Variants in PYDC5 observed in about 807,000 individuals in gnomAD.
PYDC5 encodes the protein pyrin domain containing 5, also known as pyrin domain-containing protein 5.
the PYDC5 span, among the ~76,000 whole-genome samples, chr1:159,001,961 C>A: frequency 2.6e-5 from 4 of 152,120 alleles, no homozygotes; most frequent in Admixed American, 1.3e-4. Flanking sequence ...TAATAGCTGA[C>A]ACTGGGTAGC....
chr1:159,000,123 G>C, the PYDC5 span: 389 of 169,978 alleles, frequency 2.3e-3, no homozygotes, highest in Non-Finnish European at 2.6e-3. Flanking sequence ...TGAAAAATAC[G>C]GTCTTCCTCA....
the PYDC5 span, among the ~76,000 whole-genome samples, chr1:159,000,901 G>A: frequency 6.6e-6 from 1 of 152,116 alleles, no homozygotes; most frequent in South Asian, 2.1e-4. Context: ...ATTATTTAAA[G>A]TGTGTAGCAC....
At chr1:159,001,406 A>G in the PYDC5 span, among the ~76,000 whole-genome samples, 2 of 152,226 alleles carry the variant, frequency 1.3e-5, no homozygotes, top group African/African-American at 2.4e-5. Flanking sequence ...ATTCTGAGTT[A>G]TTACTTTTAA....
chr1:159,001,001 A>AG, the PYDC5 span, among the ~76,000 whole-genome samples: 6 of 152,340 alleles, frequency 3.9e-5, no homozygotes, highest in Admixed American at 3.9e-4. Context: ...TAAGCACAAA[A>AG]GGTGCAAGTC....
the PYDC5 span, among the ~76,000 whole-genome samples, chr1:159,001,331 T>C: frequency 1.7e-4 from 26 of 152,236 alleles, no homozygotes; most frequent in Non-Finnish European, 7.3e-5. Flanking sequence ...AGGATGTTTA[T>C]GAGCTGAAGA....
the PYDC5 span, among the ~76,000 whole-genome samples, chr1:159,002,499 T>C: frequency 6.6e-6 from 1 of 152,224 alleles, no homozygotes; most frequent in Non-Finnish European, 1.5e-5. Context: ...CTTGTTTTTT[T>C]CTAAGCTCAT....
chr1:159,002,725 C>T, the PYDC5 span, among the ~76,000 whole-genome samples: 1 of 152,168 alleles, frequency 6.6e-6, no homozygotes, highest in Non-Finnish European at 1.5e-5. Flanking sequence ...CTGTTTATTG[C>T]TGTACTCCTA....
chr1:159,002,746 T>C, the PYDC5 span, among the ~76,000 whole-genome samples: 25 of 152,246 alleles, frequency 1.6e-4, no homozygotes, highest in African/African-American at 6.0e-4. Context: ...CCACCTAGAG[T>C]AGTAGGTCCT....
At chr1:159,001,618 T>C in the PYDC5 span, among the ~76,000 whole-genome samples, 4 of 152,102 alleles carry the variant, frequency 2.6e-5, no homozygotes, top group Non-Finnish European at 4.4e-5. Context: ...AGAAGGAAAT[T>C]TGCATTTCCT....
At chr1:159,001,788 A>G in the PYDC5 span, among the ~76,000 whole-genome samples, 3 of 152,196 alleles carry the variant, frequency 2.0e-5, no homozygotes, top group Non-Finnish European at 4.4e-5. Context: ...TAAATATAAA[A>G]TTTACATTTT....
At chr1:159,002,541 G>C in the PYDC5 span, among the ~76,000 whole-genome samples, 1 of 150,408 alleles carries the variant, frequency 6.6e-6, no homozygotes, top group East Asian at 2.1e-4. Context: ...AAAATAGCAC[G>C]ATACCGTTAC....
chr1:159,001,705 AC>A, the PYDC5 span, among the ~76,000 whole-genome samples: 1 of 152,150 alleles, frequency 6.6e-6, no homozygotes, highest in African/African-American at 2.4e-5. Context: ...CCCTCCTACA[AC>A]CCTATTACGT....
At chr1:159,001,109 A>T in the PYDC5 span, among the ~76,000 whole-genome samples, 1 of 152,232 alleles carries the variant, frequency 6.6e-6, no homozygotes. Context: ...CTGAAAGAAA[A>T]CATAGGCAAT....
chr1:159,002,277 T>TA, the PYDC5 span, among the ~76,000 whole-genome samples: 1 of 151,948 alleles, frequency 6.6e-6, no homozygotes, highest in Non-Finnish European at 1.5e-5. Context: ...AGCCTGCTTA[T>TA]CATACAGAGA....
At chr1:159,002,211 A>G in the PYDC5 span, among the ~76,000 whole-genome samples, 2 of 152,160 alleles carry the variant, frequency 1.3e-5, no homozygotes, top group Non-Finnish European at 2.9e-5. Context: ...AAGACAGTAC[A>G]TATTACTGAA....
chr1:159,002,227 GTCT>G, the PYDC5 span, among the ~76,000 whole-genome samples: 1 of 151,970 alleles, frequency 6.6e-6, no homozygotes, highest in Non-Finnish European at 1.5e-5. Flanking sequence ...CTGAATTCAA[GTCT>G]TCTGAATCCA....
At chr1:159,000,817 G>C in the PYDC5 span, among the ~76,000 whole-genome samples, 1 of 152,148 alleles carries the variant, frequency 6.6e-6, no homozygotes. Flanking sequence ...GCTCATGGGG[G>C]TGGATCCCTC....
the PYDC5 span, among the ~76,000 whole-genome samples, chr1:159,000,647 ATT>A: frequency 6.6e-6 from 1 of 152,190 alleles, no homozygotes; most frequent in Non-Finnish European, 1.5e-5. Flanking sequence ...TGCAATTTAA[ATT>A]TTTTGACATG....
chr1:159,001,149 C>A, the PYDC5 span, among the ~76,000 whole-genome samples: 1 of 152,130 alleles, frequency 6.6e-6, no homozygotes, highest in African/African-American at 2.4e-5. Flanking sequence ...TGTAGAACTA[C>A]ATATTGTCCC....
Sources: allele counts gnomAD v4.1 joint callset (sites outside exome capture counted in the v4.1 genomes callset), GRCh38; gene constraint gnomAD v4.1.1; transcripts MANE v1.5; gene names NCBI Gene and HGNC (gene_info 2026-07-23, HGNC 2026-07-21).